POLH: variants seen among roughly 807,000 people sequenced by gnomAD.
POLH encodes the protein DNA polymerase eta transcript.
A neutral mutation model predicts 73.6 loss-of-function variants in POLH; 53 were observed. That is an observed-to-expected ratio of 0.72 (90% CI 0.58 to 0.91). The LOEUF (loss-of-function observed/expected upper bound fraction) is 0.91, where lower values mean the gene tolerates loss of function less well. Among genes scored for constraint, POLH ranks in the 40% least tolerant of loss-of-function variants. POLH has a pLI of 0.00. For missense variants in POLH, 768 were observed against 865.4 expected, an observed-to-expected ratio of 0.89 and a Z score of 1.41; for synonymous variants, 292 against 308.5, an observed-to-expected ratio of 0.95 and a Z score of 0.56.
At chr6:43,598,761 A>G (rs1274914838) in intron 5 of POLH, among the ~76,000 whole-genome samples, 1 of 152,184 alleles carries the variant, frequency 6.6e-6, no homozygotes, top group Non-Finnish European at 1.5e-5. Context: ...AAGGATATAC[A>G]AAGGTTATAT....
rs1236237407 is a variant in POLH, at chr6:43,576,210, C to G, written c.-235C>G. 1 of 210,640 alleles carries G rather than the reference C, an allele frequency of 4.7e-6. No individual in the cohort carries two copies. The highest frequency in any genetic ancestry group is 6.1e-5 in the Admixed American group (1 of 16,264). The allele number at this position is 210,640 out of a possible 1,614,324, so 13.0% of individuals were successfully genotyped here. On this transcript the variant is annotated 5_prime_UTR_variant, in exon 1 of 11. Transcript: ENST00000372236. ...AGTCTGGCGGCTGCATTGCTGGGCGCGCCGCTCTCGTCTGATCCCTGCTGG... is the reference window on the plus strand; with the variant it reads ...AGTCTGGCGGCTGCATTGCTGGGCGGGCCGCTCTCGTCTGATCCCTGCTGG...
Position 43,614,443 on chromosome 6 carries a change from C to CGTG in POLH, c.2030_2031insGGT (p.Val677dup), listed in dbSNP as rs745839356. 1 of 1,614,144 alleles carries CGTG rather than the reference C, an allele frequency of 6.2e-7. No homozygotes were observed. Among genetic ancestry groups the CGTG allele is most frequent in the African/African-American group, 1.3e-5 (1 of 75,034 alleles). On this transcript the variant is annotated inframe_insertion, in exon 11 of 11. Coordinates refer to ENST00000372236, the MANE Select transcript of POLH (RefSeq NM_006502.3). ...CTTCAAACCCCCAGGTTGTTTCTGC[C>CGTG]GTATCTCATCAAGGCAAAAGAAATC...
At chr6:43,597,650 AAAT>A in intron 4 of POLH, 43 bp from the exon 5 acceptor site, 1 of 1,538,890 alleles carries the variant, frequency 6.5e-7, no homozygotes, top group Non-Finnish European at 9.0e-7. Context: ...ACAATTAAAT[AAAT>A]AATTTTTTAA....
chr6:43,599,692 T>C (rs140329215), intron 5 of POLH, among the ~76,000 whole-genome samples: 3 of 151,704 alleles, frequency 2.0e-5, no homozygotes, highest in African/African-American at 7.2e-5. Flanking sequence ...TCAATGTAAT[T>C]TAAACCAGAC....
intron 9 of POLH, among the ~76,000 whole-genome samples, chr6:43,606,063 G>C (rs1767252628): frequency 6.6e-6 from 1 of 151,636 alleles, no homozygotes; most frequent in African/African-American, 2.4e-5. Flanking sequence ...GTGTATATTT[G>C]ATGTTTACAA....
At position 43,583,038 on chromosome 6, in the gene POLH, T is replaced by A. The variant is rs1764459159; in HGVS notation, c.169T>A (p.Phe57Ile). 3 of 1,613,744 alleles carry A rather than the reference T, an allele frequency of 1.9e-6. No individual in the cohort carries two copies. Among genetic ancestry groups the A allele is most frequent in the African/African-American group, 1.3e-5 (1 of 74,932 alleles). Residue 57 changes from phenylalanine (F) to isoleucine (I), a missense_variant, in exon 3 of 11, where the codon TTT becomes ATT. By Grantham distance (21) the Phe-to-Ile change is conservative. Coordinates refer to ENST00000372236, the MANE Select transcript of POLH (RefSeq NM_006502.3). ...IIAVSYEARA[F>I]GVTRSMWADD... The stretch of plus-strand genomic sequence containing the variant: ...TGCAGTGAGTTATGAAGCTCGTGCA[T>A]TTGGAGTCACTAGAAGTATGTGGGC...
At chr6:43,581,771 C>G (rs1432116746) in intron 1 of POLH, among the ~76,000 whole-genome samples, 2 of 150,166 alleles carry the variant, frequency 1.3e-5, no homozygotes, top group Non-Finnish European at 3.0e-5. Context: ...CCCGGCTCCG[C>G]ACTGCCCCGG....
rs901445387 is a variant in POLH, at chr6:43,616,317, G to T, written c.*1760G>T. On this transcript the variant is annotated 3_prime_UTR_variant, in exon 11 of 11. Transcript: ENST00000372236. ...AAAAGAAAAACTTCTCTTTAGGCTG[G>T]GTGCGGTTCCTCATGCCTATAATCC... Among the ~76,000 whole-genome samples, 10 of 151,774 alleles carry T rather than the reference G, an allele frequency of 6.6e-5. No individual in the cohort carries two copies. The South Asian group carries it at 2.1e-3, about 32-fold the overall frequency.
intron 3 of POLH, 135 bp downstream of exon 3, chr6:43,583,276 CTG>C: frequency 2.6e-6 from 2 of 771,096 alleles, no homozygotes; most frequent in South Asian, 1.6e-5. Flanking sequence ...CATCTTGTCT[CTG>C]TGAAATGAAA....
intron 9 of POLH, among the ~76,000 whole-genome samples, chr6:43,610,056 C>CTTTTT (rs1297780442): frequency 2.0e-4 from 20 of 98,496 alleles, no homozygotes; most frequent in African/African-American, 2.8e-4. Context: ...TATATAGATT[C>CTTTTT]TTTTTTTTTT....
At chr6:43,580,451 G>A (rs1401800421) in intron 1 of POLH, among the ~76,000 whole-genome samples, 114 of 140,662 alleles carry the variant, frequency 8.1e-4, no homozygotes, top group African/African-American at 2.4e-3. Flanking sequence ...GGTGGTGGCC[G>A]GGCAGAGGGG....
At chr6:43,592,446 C>G (rs1239187411) in intron 4 of POLH, among the ~76,000 whole-genome samples, 1 of 143,158 alleles carries the variant, frequency 7.0e-6, no homozygotes, top group Admixed American at 7.3e-5. Flanking sequence ...CTTTCTCGCT[C>G]TGTCGCCCAG....
Position 43,614,125 on chromosome 6 carries a change from G to C in POLH, c.1710G>C (p.Glu570Asp), listed in dbSNP as rs1214956306. 6.2e-7 allele frequency: 1 copy of C among 1,614,090 alleles called. No homozygotes were observed. Among genetic ancestry groups the C allele is most frequent in the Admixed American group, 1.7e-5 (1 of 60,006 alleles). Residue 570 changes from glutamate (E) to aspartate (D), a missense_variant, in exon 11 of 11, where the codon GAG (glutamate) becomes GAC (aspartate). Coordinates refer to ENST00000372236, the MANE Select transcript of POLH (RefSeq NM_006502.3). ...CATTACCAAACTCTTTACCAACAGA[G>C]TATCCAGGGTGTGTCCCTGTTTGTG... ...CKALPNSLPTEYPGCVPVCEG... is the reference protein window; with the variant it reads ...CKALPNSLPTDYPGCVPVCEG...
rs1171732801 is a variant in POLH at position 43,614,951 on chromosome 6, C to T, written c.*394C>T. The stretch of plus-strand genomic sequence containing the variant: ...GGAGATAATACCTTACAGATTATTG[C>T]AGATTAATAACAATGTATTCAAATT... On this transcript the variant is annotated 3_prime_UTR_variant, in exon 11 of 11. Transcript: ENST00000372236. 5.3e-6 allele frequency: 1 copy of T among 189,698 alleles called. No homozygotes were observed. Among genetic ancestry groups the T allele is most frequent in the East Asian group, 1.4e-4 (1 of 7,210 alleles). The allele number at this position is 189,698 out of a possible 1,614,324, so 11.8% of individuals were successfully genotyped here.
At position 43,577,611 on chromosome 6, in the gene POLH, G is replaced by A. The variant is rs543959920; in HGVS notation, c.-5+1171G>A. Among the ~76,000 whole-genome samples, 6 of 147,480 alleles carry A rather than the reference G, an allele frequency of 4.1e-5. No homozygotes were observed. The East Asian group carries it at 8.0e-4, about 20-fold the overall frequency. On this transcript the variant is annotated intron_variant, in intron 1 of 10. Coordinates refer to ENST00000372236, the MANE Select transcript of POLH (RefSeq NM_006502.3). ...CCTTCCTGCTTTGCAGTTGTAAGAC[G>A]TTTTTTTTTTCAAGGTGAATGTTAG...
chr6:43,613,346 T>C (rs1768094690), intron 10 of POLH, among the ~76,000 whole-genome samples: 4 of 152,174 alleles, frequency 2.6e-5, no homozygotes. Context: ...AGTGGTACCT[T>C]ATAAAAAACA....
chr6:43,593,919 T>C lies in POLH; in HGVS notation c.491-3777T>C, dbSNP rs376785845. 9.2e-5 allele frequency among the ~76,000 whole-genome samples: 14 copies of C among 151,948 alleles called. No individual in the cohort carries two copies. The East Asian group carries it at 1.7e-3, about 19-fold the overall frequency. The stretch of plus-strand genomic sequence containing the variant: ...AAAAAAGAAAGAAAGAAAAGTTTTT[T>C]CTCAGCTTTCATGGGCATTTAACAC... On this transcript the variant is annotated intron_variant, in intron 4 of 10. Transcript: ENST00000372236.
At chr6:43,600,897 C>A in intron 5 of POLH, 91 bp from the exon 6 acceptor site, 1 of 828,196 alleles carries the variant, frequency 1.2e-6, no homozygotes, top group Non-Finnish European at 2.2e-6. Flanking sequence ...AGCTATTAAG[C>A]TCTGTGTGTG....
Position 43,603,895 on chromosome 6 carries a change from T to C in POLH, c.768T>C (p.Arg256=), listed in dbSNP as rs1410094583. The C allele has an allele frequency of 1.2e-6, 2 of 1,613,454 alleles. No homozygotes were observed. Among genetic ancestry groups the C allele is most frequent in the Non-Finnish European group, 1.7e-6 (2 of 1,179,602 alleles). ...TCTTTGTCTCCTTTGTTATCAGCCGTAGTCTTGGAGGAAAGCTAGGGGCCT... is the reference window on the plus strand; with the variant it reads ...TCTTTGTCTCCTTTGTTATCAGCCGCAGTCTTGGAGGAAAGCTAGGGGCCT... ...LFSQMPIRKI[R]SLGGKLGASV... is the part of the protein sequence containing the mutation. The change falls in exon 7 of 11, where the codon CGT becomes CGC. Residue 256 remains arginine (R), a synonymous_variant. Coordinates refer to ENST00000372236, the MANE Select transcript of POLH (RefSeq NM_006502.3).
Sources: gnomAD v4.1 joint callset for allele counts (sites outside exome capture counted in the v4.1 genomes callset) on GRCh38, gnomAD v4.1.1 for gene constraint, MANE v1.5 for transcripts, NCBI Gene and HGNC (gene_info 2026-07-23, HGNC 2026-07-21) for gene names.